Variants in PEDS1 observed in about 807,000 individuals in gnomAD.
The protein encoded by PEDS1 is plasmanylethanolamine desaturase 1, also known as CarF homolog.
PEDS1 carries 14 observed loss-of-function variants against 35.2 expected under a neutral mutation model. That is an observed-to-expected ratio of 0.40 (90% CI 0.26 to 0.62). The LOEUF (loss-of-function observed/expected upper bound fraction) is 0.62, where lower values mean the gene tolerates loss of function less well. PEDS1 is among the 20% of genes least tolerant of loss of function. The pLI, the probability that PEDS1 is intolerant of heterozygous loss-of-function variation, is 0.44. For missense variants in PEDS1, 260 were observed against 367.8 expected, an observed-to-expected ratio of 0.71 and a Z score of 2.40; for synonymous variants, 152 against 152.0, an observed-to-expected ratio of 1.00 and a Z score of 0.00.
intron 1 of PEDS1, among the ~76,000 whole-genome samples, chr20:50,152,537 C>G (rs2147313448): frequency 6.6e-6 from 1 of 150,982 alleles, no homozygotes; most frequent in South Asian, 2.1e-4. Flanking sequence ...CTAGGGCTCA[C>G]GTAGGAGTCA....
At position 50,131,760 on chromosome 20, in the gene PEDS1, G is replaced by A. The variant is rs117733798; in HGVS notation, c.242-813C>T. Reference sequence around the variant, plus strand: ...CCTTGTTTCTGTTCTCAATCTGTTCGGAACTTGAGCAGGGTTCCCTCAGAC... The same window carrying A: ...CCTTGTTTCTGTTCTCAATCTGTTCAGAACTTGAGCAGGGTTCCCTCAGAC... On this transcript the variant is annotated intron_variant, in intron 2 of 5. Coordinates refer to ENST00000371652, the MANE Select transcript of PEDS1 (RefSeq NM_199129.4). Among the ~76,000 whole-genome samples the A allele has an allele frequency of 3.1e-3, 442 of 141,638 alleles. 2 individuals carry two copies. The highest frequency in any genetic ancestry group is 3.9e-3 in the Non-Finnish European group (260 of 66,898). The allele number at this position is 141,638 out of a possible 152,430, so 92.9% of individuals were successfully genotyped here. A position where few individuals can be genotyped will look rare whatever the true frequency, so the allele number is the denominator to read the frequency against.
chr20:50,138,426 T>C (rs1418836453), intron 2 of PEDS1, among the ~76,000 whole-genome samples: 1 of 152,094 alleles, frequency 6.6e-6, no homozygotes, highest in African/African-American at 2.4e-5. Flanking sequence ...CCCTTAACTA[T>C]GAGAAGTTAA....
At chr20:50,145,806 A>G (rs2081339506) in intron 1 of PEDS1, among the ~76,000 whole-genome samples, 1 of 152,200 alleles carries the variant, frequency 6.6e-6, no homozygotes, top group African/African-American at 2.4e-5. Context: ...TAATGACAAC[A>G]ATTTTATCAT....
At chr20:50,139,679 CTTTTTTT>C (rs11479032) in intron 2 of PEDS1, among the ~76,000 whole-genome samples, 4 of 137,308 alleles carry the variant, frequency 2.9e-5, no homozygotes, top group Non-Finnish European at 4.7e-5. Context: ...GGATTTCTTT[CTTTTTTT>C]TTTTTTTTTT....
chr20:50,152,924 G>A (rs1436022541), intron 1 of PEDS1, among the ~76,000 whole-genome samples: 2 of 152,086 alleles, frequency 1.3e-5, no homozygotes, highest in Non-Finnish European at 2.9e-5. Context: ...TTGGGGGAAG[G>A]GTGTGGGGGG....
intron 1 of PEDS1, among the ~76,000 whole-genome samples, chr20:50,147,301 T>C (rs1205457335): frequency 6.6e-6 from 1 of 152,226 alleles, no homozygotes; most frequent in Non-Finnish European, 1.5e-5. Context: ...CACAGGGCTC[T>C]GGCCACCCTA....
intron 1 of PEDS1, among the ~76,000 whole-genome samples, chr20:50,149,529 G>C (rs976858906): frequency 1.3e-5 from 2 of 152,162 alleles, no homozygotes; most frequent in Non-Finnish European, 2.9e-5. Flanking sequence ...CTGCTGCTGG[G>C]AAACTCAGCC....
intron 2 of PEDS1, among the ~76,000 whole-genome samples, chr20:50,137,135 C>T (rs1423520987): frequency 6.6e-6 from 1 of 152,164 alleles, no homozygotes; most frequent in Non-Finnish European, 1.5e-5. Context: ...GTGCCATTCA[C>T]AGCTCACTAC....
At chr20:50,133,552 C>T (rs2081201190) in intron 2 of PEDS1, among the ~76,000 whole-genome samples, 2 of 152,122 alleles carry the variant, frequency 1.3e-5, no homozygotes, top group Admixed American at 1.3e-4. Flanking sequence ...AGGGTGGACC[C>T]AGGCCAGGGG....
chr20:50,130,478 G>A (rs2081166170), intron 3 of PEDS1, among the ~76,000 whole-genome samples: 1 of 152,180 alleles, frequency 6.6e-6, no homozygotes. Context: ...TCAGTTACAT[G>A]AATCAGTACC....
chr20:50,135,527 G>A (rs232740), intron 2 of PEDS1, among the ~76,000 whole-genome samples: 1 of 151,760 alleles, frequency 6.6e-6, no homozygotes, highest in Non-Finnish European at 1.5e-5. Flanking sequence ...GTGTGGTGGC[G>A]CATGCCTGTA....
At chr20:50,143,440 T>A in intron 2 of PEDS1, 62 bp downstream of exon 2, 5 of 1,560,410 alleles carry the variant, frequency 3.2e-6, no homozygotes, top group Non-Finnish European at 4.3e-6. Flanking sequence ...ACGCGCCAGT[T>A]ACCCGGTGGG....
Position 50,153,561 on chromosome 20 carries a change from G to C in PEDS1, c.77C>G (p.Ala26Gly). 7.0e-7 allele frequency: 1 copy of C among 1,434,608 alleles called. No individual in the cohort carries two copies. The highest frequency in any genetic ancestry group is 1.4e-5 in the South Asian group (1 of 73,804). 88.9% of individuals were successfully genotyped at this position (1,434,608 alleles called of 1,614,324 possible). Residue 26 changes from alanine (A) to glycine (G), a missense_variant, in exon 1 of 6, where the codon GCG (alanine) becomes GGG (glycine). This residue lies in a region of PEDS1 where 114 missense variants were observed against 121.6 expected (regional missense o/e 0.94). Coordinates refer to ENST00000371652, the MANE Select transcript of PEDS1 (RefSeq NM_199129.4). ...CAGCTCGCGGGCCCCGGCGTGCTGC[G>C]CGCCCCAGCGGCAACAAGACGCCTC... ...EDEASCCRWG[A>G]QHAGARELAA...
intron 1 of PEDS1, among the ~76,000 whole-genome samples, chr20:50,144,443 T>C (rs937872855): frequency 6.6e-6 from 1 of 152,112 alleles, no homozygotes; most frequent in Non-Finnish European, 1.5e-5. Flanking sequence ...CATGGACAAA[T>C]AGGGCTCTGG....
In PEDS1 at chr20:50,130,942, C is replaced by T; in HGVS notation, c.247G>A (p.Gly83Arg). 1 of 1,614,222 alleles carries T rather than the reference C, an allele frequency of 6.2e-7. No homozygotes were observed. Among genetic ancestry groups the T allele is most frequent in the Non-Finnish European group, 8.5e-7 (1 of 1,180,048 alleles). The change falls in exon 3 of 6, where the codon GGG (glycine) becomes AGG (arginine). Residue 83 changes from glycine to arginine, a missense_variant. This residue lies in a region of PEDS1 where 114 missense variants were observed against 121.6 expected (regional missense o/e 0.94). Coordinates refer to ENST00000371652, the MANE Select transcript of PEDS1 (RefSeq NM_199129.4). ...TPLVILGVVA[G>R]ALIADFLSGL... is the part of the protein sequence containing the mutation. ...GACAAGAAGTCAGCAATGAGAGCCCCTGCAACTGTGGACAAGAGGGTGAGT... is the reference window on the plus strand; with the variant it reads ...GACAAGAAGTCAGCAATGAGAGCCCTTGCAACTGTGGACAAGAGGGTGAGT...
At chr20:50,126,311 G>A (rs1364710084) in intron 5 of PEDS1, among the ~76,000 whole-genome samples, 1 of 152,208 alleles carries the variant, frequency 6.6e-6, no homozygotes, top group South Asian at 2.1e-4. Flanking sequence ...GAGGCTTAGA[G>A]AAGAGTTTCC....
chr20:50,148,398 A>G (rs560577952), intron 1 of PEDS1, among the ~76,000 whole-genome samples: 3 of 152,304 alleles, frequency 2.0e-5, no homozygotes, highest in Non-Finnish European at 2.9e-5. Flanking sequence ...CTCAGGACAC[A>G]GGAGGCCCGG....
intron 1 of PEDS1, among the ~76,000 whole-genome samples, chr20:50,150,535 C>T (rs1213014661): frequency 2.0e-5 from 3 of 152,196 alleles, no homozygotes; most frequent in Admixed American, 6.5e-5. Context: ...GAAGCCTTCA[C>T]TGCCCCCTCC....
chr20:50,152,858 G>A (rs766631873), intron 1 of PEDS1, among the ~76,000 whole-genome samples: 1 of 152,138 alleles, frequency 6.6e-6, no homozygotes, highest in African/African-American at 2.4e-5. Context: ...CACCACTGGA[G>A]GGTTGGGGAG....
Sources: gnomAD v4.1 joint callset for allele counts (sites outside exome capture counted in the v4.1 genomes callset) on GRCh38, gnomAD v4.1.1 for gene constraint, gnomAD v4.1.1 regional missense constraint, MANE v1.5 for transcripts, NCBI Gene and HGNC (gene_info 2026-07-23, HGNC 2026-07-21) for gene names.